FCRLA: variants seen among roughly 807,000 people sequenced by gnomAD.
The protein encoded by FCRLA is Fc receptor-like A.
Under a neutral mutation model 28.4 loss-of-function variants are expected in FCRLA, and 26 were observed. That is an observed-to-expected ratio of 0.91 (90% CI 0.67 to 1.27). FCRLA has a LOEUF of 1.27. Ranked by LOEUF, FCRLA falls within the 50% of genes most tolerant of loss-of-function variation. FCRLA has a pLI of 0.00. For missense variants in FCRLA, 422 were observed against 433.1 expected, an observed-to-expected ratio of 0.97 and a Z score of 0.23; for synonymous variants, 174 against 168.5, an observed-to-expected ratio of 1.03 and a Z score of -0.25.
intron 1 of FCRLA, among the ~76,000 whole-genome samples, chr1:161,708,694 G>C (rs2101651715): frequency 6.6e-6 from 1 of 152,208 alleles, no homozygotes; most frequent in Middle Eastern, 3.4e-3. Context: ...TTCTTTCCAT[G>C]GCACCCTACT....
In FCRLA at chr1:161,713,526, T is replaced by C. The variant is rs1683215975; in HGVS notation, c.*146T>C. The stretch of plus-strand genomic sequence containing the variant: ...AATAATGTAGTTAGGTGAGTGTAAA[T>C]AAATTTATATAAAGTGAGAATTAGA... On this transcript the variant is annotated 3_prime_UTR_variant, in exon 5 of 5. Coordinates refer to ENST00000236938, the MANE Select transcript of FCRLA (RefSeq NM_032738.4). 6.3e-6 allele frequency: 4 copies of C among 637,630 alleles called. No individual in the cohort carries two copies. Among genetic ancestry groups the C allele is most frequent in the Non-Finnish European group, 1.1e-5 (4 of 373,892 alleles). 39.5% of individuals were successfully genotyped at this position (637,630 alleles called of 1,614,324 possible).
intron 1 of FCRLA, among the ~76,000 whole-genome samples, chr1:161,708,607 A>G (rs895484139): frequency 1.3e-5 from 2 of 152,192 alleles, no homozygotes; most frequent in Non-Finnish European, 2.9e-5. Flanking sequence ...CAATCAGTTC[A>G]TATTTACATA....
intron 3 of FCRLA, 121 bp downstream of exon 3, chr1:161,711,595 G>A: frequency 1.5e-6 from 2 of 1,316,964 alleles, no homozygotes; most frequent in Non-Finnish European, 2.1e-6. Context: ...CAGGTTGCTG[G>A]CAAATGCCCA....
At chr1:161,707,735 T>G (rs1364708107) in intron 1 of FCRLA, among the ~76,000 whole-genome samples, 1 of 152,208 alleles carries the variant, frequency 6.6e-6, no homozygotes, top group East Asian at 1.9e-4. Flanking sequence ...CTATATTGAC[T>G]GGGTTATGGC....
intron 1 of FCRLA, among the ~76,000 whole-genome samples, chr1:161,709,385 A>G (rs1458291279): frequency 6.6e-6 from 1 of 151,536 alleles, no homozygotes; most frequent in Admixed American, 6.6e-5. Flanking sequence ...TCCCACCTCA[A>G]CCTCCCAAAG....
chr1:161,713,486 C>A lies in FCRLA; in HGVS notation c.*106C>A. The A allele has an allele frequency of 1.1e-6, 1 of 937,764 alleles. No individual in the cohort carries two copies. The highest frequency in any genetic ancestry group is 1.6e-6 in the Non-Finnish European group (1 of 624,602). The allele number at this position is 937,764 out of a possible 1,614,324, so 58.1% of individuals were successfully genotyped here. ...TGCATAAGTACTTTTACAAGTTGTC[C>A]CAGTGTTTTGTTAGAATAATGTAGT... On this transcript the variant is annotated 3_prime_UTR_variant, in exon 5 of 5. Coordinates refer to ENST00000236938, the MANE Select transcript of FCRLA (RefSeq NM_032738.4).
chr1:161,709,695 A>C (rs1226050682), intron 1 of FCRLA, among the ~76,000 whole-genome samples: 1 of 152,168 alleles, frequency 6.6e-6, no homozygotes, highest in Admixed American at 6.5e-5. Flanking sequence ...GATGGAGTGA[A>C]GAAGTATGCA....
intron 3 of FCRLA, 152 bp downstream of exon 3, chr1:161,711,626 G>T: frequency 1.0e-6 from 1 of 989,202 alleles, no homozygotes; most frequent in Non-Finnish European, 1.5e-6. Context: ...CGAAAGGGAC[G>T]AGACCTCAGC....
intron 1 of FCRLA, among the ~76,000 whole-genome samples, chr1:161,707,797 T>G (rs533646844): frequency 6.6e-6 from 1 of 152,332 alleles, no homozygotes; most frequent in Admixed American, 6.5e-5. Context: ...TGGGCTCTGT[T>G]GATCACTTAC....
intron 3 of FCRLA, 143 bp from the exon 4 acceptor site, chr1:161,711,791 A>G: frequency 9.5e-7 from 1 of 1,053,144 alleles, no homozygotes; most frequent in Non-Finnish European, 1.4e-6. Flanking sequence ...AAAGAACTTG[A>G]CAGATTCAAA....
rs145767742 is a variant in FCRLA, at chr1:161,711,292, C to T, written c.317C>T (p.Pro106Leu). ...VLRCQAWQDW[P>L]LTQVTFYRDG... ...CGCTGCCAGGCCTGGCAAGACTGGCCACTGACTCAGGTGACCTTCTACCGA... is the reference window on the plus strand; with the variant it reads ...CGCTGCCAGGCCTGGCAAGACTGGCTACTGACTCAGGTGACCTTCTACCGA... The change falls in exon 3 of 5, where the codon CCA (proline) becomes CTA (leucine). Residue 106 changes from proline to leucine, a missense_variant. Coordinates refer to ENST00000236938, the MANE Select transcript of FCRLA (RefSeq NM_032738.4). 2.2e-4 allele frequency: 351 copies of T among 1,614,118 alleles called. 3 individuals are homozygous for T. The highest frequency in any genetic ancestry group is 2.0e-4 in the Non-Finnish European group (234 of 1,180,044).
chr1:161,711,577 C>T (rs1683105514), intron 3 of FCRLA, 103 bp downstream of exon 3: 2 of 1,427,884 alleles, frequency 1.4e-6, no homozygotes, highest in African/African-American at 2.9e-5. Context: ...CATCAACAGA[C>T]TATGGAGCAG....
At chr1:161,711,798 C>T in intron 3 of FCRLA, 136 bp from the exon 4 acceptor site, 1 of 1,105,114 alleles carries the variant, frequency 9.0e-7, no homozygotes, top group South Asian at 1.5e-5. Context: ...TTGACAGATT[C>T]AAATGGAATC....
chr1:161,713,412 C>T lies in FCRLA; in HGVS notation c.*32C>T. 6.5e-7 allele frequency: 1 copy of T among 1,539,532 alleles called. No individual in the cohort carries two copies. The highest frequency in any genetic ancestry group is 8.9e-7 in the Non-Finnish European group (1 of 1,126,858). ...ACAGTTCATCCATGATCTCACTTAA[C>T]CACCCCAATAAATCTGATTCTTTAT... is the stretch of plus-strand genomic sequence containing the variant. On this transcript the variant is annotated 3_prime_UTR_variant, in exon 5 of 5. Coordinates refer to ENST00000236938, the MANE Select transcript of FCRLA (RefSeq NM_032738.4).
chr1:161,711,830 G>C, intron 3 of FCRLA, 104 bp from the exon 4 acceptor site: 2 of 1,350,478 alleles, frequency 1.5e-6, no homozygotes, highest in South Asian at 1.4e-5. Flanking sequence ...ATTCCTGCTG[G>C]AAACAGGGGA....
At chr1:161,710,426 C>T (rs745311076) in intron 1 of FCRLA, 49 of 1,533,018 alleles carry the variant, frequency 3.2e-5, no homozygotes, top group East Asian at 2.4e-5. Flanking sequence ...TGTCCTATGC[C>T]TCCCTGCTTC....
intron 4 of FCRLA, 63 bp from the exon 5 acceptor site, chr1:161,713,022 G>C (rs1161116759): frequency 7.8e-6 from 12 of 1,532,790 alleles, no homozygotes; most frequent in Non-Finnish European, 1.1e-5. Context: ...ATTGGCCAGG[G>C]ATGGGAGGGA....
rs1202081578 is a variant in FCRLA at position 161,713,500 on chromosome 1, GAAT to G, written c.*124_*126del. 2 of 787,944 alleles carry G rather than the reference GAAT, an allele frequency of 2.5e-6. No homozygotes were observed. The highest frequency in any genetic ancestry group is 4.1e-6 in the Non-Finnish European group (2 of 493,478). The allele number at this position is 787,944 out of a possible 1,614,324, so 48.8% of individuals were successfully genotyped here. ...TACAAGTTGTCCCAGTGTTTTGTTA[GAAT>G]AATGTAGTTAGGTGAGTGTAAATAA... is the stretch of plus-strand genomic sequence containing the variant. On this transcript the variant is annotated 3_prime_UTR_variant, in exon 5 of 5. Coordinates refer to ENST00000236938, the MANE Select transcript of FCRLA (RefSeq NM_032738.4).
In FCRLA at chr1:161,713,783, G is replaced by A. The variant is rs1302076426; in HGVS notation, c.*403G>A. ...GGGGTTGGGGGATGGTGGGATGTGT[G>A]TGCTACTGGCATCCAGTAAATAGAA... is the stretch of plus-strand genomic sequence containing the variant. On this transcript the variant is annotated 3_prime_UTR_variant, in exon 5 of 5. Coordinates refer to ENST00000236938, the MANE Select transcript of FCRLA (RefSeq NM_032738.4). 2 of 164,068 alleles carry A rather than the reference G, an allele frequency of 1.2e-5. No homozygotes were observed. Among genetic ancestry groups the A allele is most frequent in the Admixed American group, 6.1e-5 (1 of 16,358 alleles). 10.2% of individuals were successfully genotyped at this position (164,068 alleles called of 1,614,324 possible). A position where few individuals can be genotyped will look rare whatever the true frequency, so the allele number is the denominator to read the frequency against.
Sources: allele counts gnomAD v4.1 joint callset (sites outside exome capture counted in the v4.1 genomes callset), GRCh38; gene constraint gnomAD v4.1.1; transcripts MANE v1.5; gene names NCBI Gene and HGNC (gene_info 2026-07-23, HGNC 2026-07-21).